The following ARSL variants were observed in gnomAD, a reference collection of about 807,000 sequenced individuals.
The protein encoded by ARSL is arylsulfatase L.
A neutral mutation model predicts 31.1 loss-of-function variants in ARSL; 4 were observed. That is an observed-to-expected ratio of 0.13 (90% CI 0.06 to 0.29). The LOEUF is 0.29. ARSL is among the 10% of genes least tolerant of loss of function. ARSL has a pLI of 1.00. For synonymous variants in ARSL, 198 were observed against 209.9 expected, an observed-to-expected ratio of 0.94 and a Z score of 0.49; for missense variants, 312 against 497.8, an observed-to-expected ratio of 0.63 and a Z score of 3.55.
At chrX:2,945,005 TAAGAAGAAGAAGAAG>T (rs368635699) in intron 7 of ARSL, among the ~76,000 whole-genome samples, 1 of 95,283 alleles carries the variant, frequency 1.0e-5, no homozygotes, top group African/African-American at 3.9e-5. Flanking sequence ...AGAAGAAGAA[TAAGAAGAAGAAGAAG>T]AAGAAGAGGG....
Position 2,936,621 on chromosome X carries a change from C to T in ARSL, c.1411+121G>A, listed in dbSNP as rs777177293. 2.5e-5 allele frequency: 25 copies of T among 981,663 alleles called. No individual in the cohort carries two copies. The African/African-American group carries it at 4.0e-4, about 16-fold the overall frequency. 80.9% of individuals were successfully genotyped at this position (981,663 alleles called of 1,213,427 possible). A position where few individuals can be genotyped will look rare whatever the true frequency, so the allele number is the denominator to read the frequency against. Reference sequence around the variant, plus strand: ...AAGCTCGTGGAGAAAAACGGAAGTGCGGAGACATGGAGATGGACTCTGGAA... The same window carrying T: ...AAGCTCGTGGAGAAAAACGGAAGTGTGGAGACATGGAGATGGACTCTGGAA... On this transcript the variant is annotated intron_variant, in intron 10 of 10. Coordinates refer to ENST00000381134, the MANE Select transcript of ARSL (RefSeq NM_000047.3).
chrX:2,958,192 G>C lies in ARSL; in HGVS notation c.185+82C>G. 12 of 1,144,575 alleles carry C rather than the reference G, an allele frequency of 1.0e-5. No homozygotes were observed. The South Asian group carries it at 2.3e-4, about 22-fold the overall frequency. The allele number at this position is 1,144,575 out of a possible 1,213,427, so 94.3% of individuals were successfully genotyped here. A position where few individuals can be genotyped will look rare whatever the true frequency, so the allele number is the denominator to read the frequency against. On this transcript the variant is annotated intron_variant, in intron 3 of 10. Transcript: ENST00000381134. ...TTGAAGTGTGAACTGCCAAGATCAA[G>C]GGTTATATGCATTTTCAGTGGCTTC...
chrX:2,959,731 T>C (rs953048468), intron 2 of ARSL: 46 of 1,135,659 alleles, frequency 4.1e-5, no homozygotes, highest in Admixed American at 5.6e-5. Context: ...GATAAATCAC[T>C]ATCAGTGCAT....
rs372388452 is a variant in ARSL at position 2,944,264 on chromosome X, G to T, written c.992-1065C>A. Reference sequence around the variant, plus strand: ...AGGTCAGCAGTTCGAGACCAGCCTGGCCAACATGGTGAAACCCCATCTCTA... The same window carrying T: ...AGGTCAGCAGTTCGAGACCAGCCTGTCCAACATGGTGAAACCCCATCTCTA... On this transcript the variant is annotated intron_variant, in intron 7 of 10. Coordinates refer to ENST00000381134, the MANE Select transcript of ARSL (RefSeq NM_000047.3). Among the ~76,000 whole-genome samples, 111 of 109,041 alleles carry T rather than the reference G, an allele frequency of 1.0e-3. 1 individual carries two copies. Among genetic ancestry groups the T allele is most frequent in the African/African-American group, 2.6e-3 (79 of 30,004 alleles). 94.7% of individuals were successfully genotyped at this position (109,041 alleles called of 115,157 possible). A position where few individuals can be genotyped will look rare whatever the true frequency, so the allele number is the denominator to read the frequency against.
intron 1 of ARSL, among the ~76,000 whole-genome samples, chrX:2,961,822 T>C (rs2089639344): frequency 9.1e-6 from 1 of 110,406 alleles, no homozygotes; most frequent in Non-Finnish European, 1.9e-5. Context: ...CAATCTTTTC[T>C]CTTAACCTGA....
intron 1 of ARSL, among the ~76,000 whole-genome samples, chrX:2,962,629 A>T (rs183357594): frequency 0.012 from 1,370 of 111,551 alleles, 21 homozygotes; most frequent in African/African-American, 0.042. Context: ...TTTCCCCTCA[A>T]CGCCTTTTCG....
At chrX:2,944,700 G>C (rs765867794) in intron 7 of ARSL, among the ~76,000 whole-genome samples, 1 of 109,725 alleles carries the variant, frequency 9.1e-6, no homozygotes, top group Non-Finnish European at 1.9e-5. Context: ...GGGATGTGCT[G>C]TGCCCATATA....
intron 2 of ARSL, chrX:2,959,906 A>G (rs770318314): frequency 7.0e-6 from 2 of 283,804 alleles, no homozygotes. Flanking sequence ...AGAAAGGAAA[A>G]AAAATAAAGA....
At chrX:2,965,267 G>A (rs1383478568), upstream of ARSL, among the ~76,000 whole-genome samples, 2 of 111,329 alleles carry the variant, frequency 1.8e-5, no homozygotes, top group East Asian at 2.8e-4. Flanking sequence ...TTGGGAGGAC[G>A]AGGTGGGCCG....
chrX:2,940,366 A>G (rs1457974468), intron 8 of ARSL, among the ~76,000 whole-genome samples: 1 of 110,926 alleles, frequency 9.0e-6, no homozygotes, highest in East Asian at 2.9e-4. Context: ...AAAATATACA[A>G]TGATACAAAA....
intron 4 of ARSL, 87 bp from the exon 5 acceptor site, chrX:2,953,352 TG>T: frequency 2.9e-6 from 3 of 1,042,748 alleles, no homozygotes; most frequent in Non-Finnish European, 3.9e-6. Flanking sequence ...ATAGAACACT[TG>T]GTAAAAATCT....
At chrX:2,939,317 C>T (rs1985083) in intron 8 of ARSL, among the ~76,000 whole-genome samples, 1,936 of 112,041 alleles carry the variant, frequency 0.017, 34 homozygotes, top group African/African-American at 0.056. Context: ...GAGGAGCCTC[C>T]CCTAGAGCTT....
chrX:2,947,547 A>G (rs1387697387), intron 6 of ARSL, among the ~76,000 whole-genome samples: 1 of 112,184 alleles, frequency 8.9e-6, no homozygotes, highest in African/African-American at 3.2e-5. Context: ...CCCGGCCTTC[A>G]TGGTCTAATC....
At chrX:2,948,710 C>T (rs1412988065) in intron 6 of ARSL, among the ~76,000 whole-genome samples, 2 of 111,058 alleles carry the variant, frequency 1.8e-5, no homozygotes, top group South Asian at 3.8e-4. Flanking sequence ...AGGCTGGTCT[C>T]TAACTCCTGG....
chrX:2,955,503 C>T lies in ARSL; in HGVS notation c.220G>A (p.Val74Met), dbSNP rs150756612. 1,125 of 1,209,533 alleles carry T rather than the reference C, an allele frequency of 9.3e-4. 18 individuals are homozygous for T. In the East Asian group the frequency reaches 0.031, roughly 33 times the overall value. The change falls in exon 4 of 11, where the codon GTG becomes ATG. Residue 74 changes from valine to methionine, a missense_variant. Val to Met is a conservative substitution (Grantham distance 21, BLOSUM62 1). Transcript: ENST00000381134. ...PNIDRLAEDG[V>M]KLTQHISAAS... Reference sequence around the variant, plus strand: ...GCAGAGATGTGTTGGGTCAGCTTCACGCCGTCCTCTGCAAGGCGGTCAATA... The same window carrying T: ...GCAGAGATGTGTTGGGTCAGCTTCATGCCGTCCTCTGCAAGGCGGTCAATA...
chrX:2,960,536 CA>C, intron 1 of ARSL, 116 bp from the exon 2 acceptor site: 1 of 676,973 alleles, frequency 1.5e-6, no homozygotes. Context: ...ATATCAATAG[CA>C]AAAATATCTT....
chrX:2,946,057 A>G lies in ARSL; in HGVS notation c.932T>C (p.Leu311Pro), dbSNP rs1337550426. The change falls in exon 7 of 11, where the codon CTC becomes CCC. Residue 311 changes from leucine (L) to proline (P), a missense_variant. Coordinates refer to ENST00000381134, the MANE Select transcript of ARSL (RefSeq NM_000047.3). ...HIPLITMENF[L>P]GKSLHGLYGD... is the part of the protein sequence containing the mutation. ...ATACAGCCCGTGGAGACTCTTCCCG[A>G]GGAAGTTCTCCATAGTGATAAGAGG... 1 of 1,210,400 alleles carries G rather than the reference A, an allele frequency of 8.3e-7. No homozygotes were observed. Among genetic ancestry groups the G allele is most frequent in the East Asian group, 3.0e-5 (1 of 33,830 alleles).
At chrX:2,951,209 T>C (rs1289785722) in intron 5 of ARSL, among the ~76,000 whole-genome samples, 3 of 111,865 alleles carry the variant, frequency 2.7e-5, no homozygotes, top group African/African-American at 6.5e-5. Flanking sequence ...GAAAGCACCA[T>C]GTGATATCAG....
chrX:2,965,566 T>TA (rs2089692684), upstream of ARSL, among the ~76,000 whole-genome samples: 1 of 102,329 alleles, frequency 9.8e-6, no homozygotes, highest in Admixed American at 1.0e-4. Flanking sequence ...AAAAAAAAAG[T>TA]AAAAAAAGGA....
Sources: allele counts gnomAD v4.1 joint callset (sites outside exome capture counted in the v4.1 genomes callset), GRCh38; gene constraint gnomAD v4.1.1; transcripts MANE v1.5; gene names NCBI Gene and HGNC (gene_info 2026-07-23, HGNC 2026-07-21).